COG5: variants seen among roughly 807,000 people sequenced by gnomAD.
COG5 encodes the protein component of oligomeric golgi complex 5.
COG5 carries 86 observed loss-of-function variants against 110.4 expected under a neutral mutation model. The ratio of observed to expected loss-of-function variants is 0.78; its 90% CI spans 0.65 to 0.93. COG5 has a LOEUF of 0.93. Among genes scored for constraint, COG5 ranks in the 40% least tolerant of loss-of-function variants. The pLI is 0.00. For missense variants in COG5, 1,077 were observed against 987.0 expected, an observed-to-expected ratio of 1.09 and a Z score of -1.22; for synonymous variants, 360 against 334.6, an observed-to-expected ratio of 1.08 and a Z score of -0.83.
At chr7:107,384,749 G>A (rs1305295907) in intron 7 of COG5, among the ~76,000 whole-genome samples, 1 of 152,160 alleles carries the variant, frequency 6.6e-6, no homozygotes, top group African/African-American at 2.4e-5. Context: ...GACACAGCAA[G>A]AAGGCGGCTG....
intron 6 of COG5, among the ~76,000 whole-genome samples, chr7:107,493,607 C>A (rs1297593801): frequency 6.6e-6 from 1 of 152,128 alleles, no homozygotes; most frequent in Middle Eastern, 3.2e-3. Context: ...AAATCTCAAT[C>A]CCTAAATAAT....
rs886061873 is a variant in COG5, at chr7:107,362,431, G to A, written c.836-11C>T. The A allele has an allele frequency of 1.3e-6, 2 of 1,574,802 alleles. No individual in the cohort carries two copies. Among genetic ancestry groups the A allele is most frequent in the Non-Finnish European group, 1.7e-6 (2 of 1,144,510 alleles). ...ATCGTCCAGGTCCCCCTGGTTATGA[G>A]TGAGAAAGAACAATGAAAAATAAAG... is the stretch of plus-strand genomic sequence containing the variant. On this transcript the variant is annotated splice_polypyrimidine_tract_variant and intron_variant, in intron 8 of 21. Transcript: ENST00000297135.
At chr7:107,287,342 G>GA (rs1276777943) in intron 12 of COG5, among the ~76,000 whole-genome samples, 22 of 152,168 alleles carry the variant, frequency 1.4e-4, no homozygotes, top group Non-Finnish European at 2.6e-4. Flanking sequence ...CTGCAGTTGA[G>GA]AAAAATTTCT....
At chr7:107,349,838 G>A (rs1443659375) in intron 10 of COG5, among the ~76,000 whole-genome samples, 3 of 152,036 alleles carry the variant, frequency 2.0e-5, no homozygotes, top group East Asian at 1.9e-4. Flanking sequence ...GATTACAGGC[G>A]TGAGCCACAG....
chr7:107,413,623 C>G (rs1792477985), intron 6 of COG5, among the ~76,000 whole-genome samples: 1 of 151,678 alleles, frequency 6.6e-6, no homozygotes, highest in African/African-American at 2.4e-5. Flanking sequence ...GATTATGATA[C>G]TAAATTTCCC....
At chr7:107,546,378 T>C (rs1345415669) in intron 5 of COG5, among the ~76,000 whole-genome samples, 1 of 149,372 alleles carries the variant, frequency 6.7e-6, no homozygotes, top group Non-Finnish European at 1.5e-5. Context: ...ATAAATTAAA[T>C]ACAGACTAGG....
intron 19 of COG5, among the ~76,000 whole-genome samples, chr7:107,228,335 T>A (rs1800521084): frequency 6.6e-6 from 1 of 150,382 alleles, no homozygotes; most frequent in Non-Finnish European, 1.5e-5. Flanking sequence ...AGCCAAATCT[T>A]CCTATAGCAA....
At chr7:107,367,852 T>C (rs1813770765) in intron 8 of COG5, among the ~76,000 whole-genome samples, 1 of 151,832 alleles carries the variant, frequency 6.6e-6, no homozygotes. Context: ...CGGGTGACCA[T>C]CCACTAAAAT....
intron 10 of COG5, among the ~76,000 whole-genome samples, chr7:107,343,073 T>C (rs542168733): frequency 6.6e-6 from 1 of 152,244 alleles, no homozygotes; most frequent in South Asian, 2.1e-4. Context: ...TACAGCAACA[T>C]GGATACAGCT....
intron 6 of COG5, among the ~76,000 whole-genome samples, chr7:107,454,480 A>G (rs1795540050): frequency 6.6e-6 from 1 of 152,206 alleles, no homozygotes; most frequent in Non-Finnish European, 1.5e-5. Context: ...CTTTACAAGT[A>G]ATCTTATTCT....
Position 107,424,938 on chromosome 7 carries a change from T to C in COG5, c.539-12306A>G, listed in dbSNP as rs1793547620. On this transcript the variant is annotated intron_variant, in intron 6 of 21. Transcript: ENST00000297135. ...GGACACTGACTTTGCAATATATTAA[T>C]AGGTGTTATAACTTAAGGGAATCCT... Among the ~76,000 whole-genome samples the C allele has an allele frequency of 2.6e-5, 4 of 152,172 alleles. No homozygotes were observed. The South Asian group carries it at 6.2e-4, about 24-fold the overall frequency.
intron 14 of COG5, among the ~76,000 whole-genome samples, chr7:107,263,253 T>C (rs779196431): frequency 1.6e-4 from 24 of 152,204 alleles, no homozygotes; most frequent in Non-Finnish European, 2.4e-4. Flanking sequence ...CTCCTTAAAA[T>C]TGCCATCACT....
At chr7:107,291,084 G>C (rs1562953466) in intron 12 of COG5, among the ~76,000 whole-genome samples, 1 of 152,106 alleles carries the variant, frequency 6.6e-6, no homozygotes, top group Non-Finnish European at 1.5e-5. Flanking sequence ...TTCCTGGATG[G>C]ATAGGCTATT....
At chr7:107,486,026 C>T (rs1013031872) in intron 6 of COG5, among the ~76,000 whole-genome samples, 1 of 151,970 alleles carries the variant, frequency 6.6e-6, no homozygotes. Context: ...AAGCAAGTCT[C>T]CAGGGAACAA....
chr7:107,296,939 G>C (rs1359380551), intron 12 of COG5, among the ~76,000 whole-genome samples: 1 of 152,156 alleles, frequency 6.6e-6, no homozygotes, highest in Non-Finnish European at 1.5e-5. Context: ...TTAAAGAAAG[G>C]TGTGAAAGCC....
rs367706474 is a variant in COG5, at chr7:107,403,674, G to T, written c.669+8828C>A. On this transcript the variant is annotated intron_variant, in intron 7 of 21. Coordinates refer to ENST00000297135, the MANE Select transcript of COG5 (RefSeq NM_006348.5). ...GAGTAAAATGAGGGGTAGAAGGAGA[G>T]GGGAAGGTAGATAGTAAGTGCAAAA... 1.1e-4 allele frequency among the ~76,000 whole-genome samples: 17 copies of T among 152,180 alleles called. No homozygotes were observed. In the South Asian group the frequency reaches 3.3e-3, roughly 30 times the overall value.
At chr7:107,413,255 T>A (rs1056881841) in intron 6 of COG5, among the ~76,000 whole-genome samples, 1 of 152,090 alleles carries the variant, frequency 6.6e-6, no homozygotes, top group African/African-American at 2.4e-5. Context: ...CCTCAAGTGA[T>A]CCTCCCATCT....
At chr7:107,336,794 G>A (rs191686234) in intron 10 of COG5, among the ~76,000 whole-genome samples, 2 of 152,178 alleles carry the variant, frequency 1.3e-5, no homozygotes, top group East Asian at 3.9e-4. Context: ...CCAGGCTACC[G>A]CTACTACCAC....
intron 14 of COG5, among the ~76,000 whole-genome samples, chr7:107,272,013 T>C (rs1423304733): frequency 6.6e-6 from 1 of 152,202 alleles, no homozygotes; most frequent in Non-Finnish European, 1.5e-5. Flanking sequence ...CTGTTTAACT[T>C]TGAAATACCT....
Sources: gnomAD v4.1 joint callset for allele counts (sites outside exome capture counted in the v4.1 genomes callset) on GRCh38, gnomAD v4.1.1 for gene constraint, MANE v1.5 for transcripts, NCBI Gene and HGNC (gene_info 2026-07-23, HGNC 2026-07-21) for gene names.